Variants in VARS1 observed in about 807,000 individuals in gnomAD.
VARS1 encodes the protein valyl-tRNA synthetase 1, also known as valine--tRNA ligase.
In VARS1, 92 loss-of-function variants were observed where a neutral mutation model predicts 161.0. That is an observed-to-expected ratio of 0.57 (90% CI 0.48 to 0.68). The LOEUF is 0.68. VARS1 is among the 30% of genes least tolerant of loss of function. The pLI is 0.00. For synonymous variants in VARS1, 595 were observed against 682.5 expected, an observed-to-expected ratio of 0.87 and a Z score of 2.00; for missense variants, 1,338 against 1,695.9, an observed-to-expected ratio of 0.79 and a Z score of 3.71.
intron 13 of VARS1, 50 bp from the exon 14 acceptor site, chr6:31,783,236 G>A (rs774778785): frequency 6.3e-7 from 1 of 1,578,074 alleles, no homozygotes; most frequent in African/African-American, 1.3e-5. Context: ...CAGACGCCGT[G>A]ATTCCCACCT....
In VARS1 at chr6:31,782,879, G is replaced by A; in HGVS notation, c.1763-34C>T. The A allele has an allele frequency of 6.3e-7, 1 of 1,594,292 alleles. No homozygotes were observed. The highest frequency in any genetic ancestry group is 8.5e-7 in the Non-Finnish European group (1 of 1,170,356). ...ACATCAGGATGCCCAGGTCATGAGG[G>A]ACTCCACGGAGTTCCTTCCTACACT... On this transcript the variant is annotated intron_variant, in intron 14 of 29. Coordinates refer to ENST00000375663, the MANE Select transcript of VARS1 (RefSeq NM_006295.3). This position sits in a 1 kb window ranked among gnomAD's most constrained non-coding sequence, Gnocchi z 8.3.
chr6:31,780,801 G>T lies in VARS1; in HGVS notation c.2719-18C>A, dbSNP rs767911243. 2 of 1,614,178 alleles carry T rather than the reference G, an allele frequency of 1.2e-6. No individual in the cohort carries two copies. The highest frequency in any genetic ancestry group is 1.7e-6 in the Non-Finnish European group (2 of 1,180,010). ...TCAGCTTTCTACAGGGAAGAGGCAG[G>T]GGGAGGAGCGTCCTCAGCCAGCCCC... On this transcript the variant is annotated intron_variant, in intron 23 of 29. Transcript: ENST00000375663. This position sits in a 1 kb window ranked among gnomAD's most constrained non-coding sequence, Gnocchi z 5.1.
In VARS1 at chr6:31,779,862, G is replaced by C. The variant is rs1345674450; in HGVS notation, c.3082-48C>G. On this transcript the variant is annotated intron_variant, in intron 26 of 29. Transcript: ENST00000375663. The surrounding 1 kb of genome is among the most constrained non-coding windows in gnomAD (Gnocchi z 9.1). Reference sequence around the variant, plus strand: ...CTCACGGCTGGAGGTCTAGCCTTGAGCCCTCGCTGTGCCTGTGAGGACTGG... The same window carrying C: ...CTCACGGCTGGAGGTCTAGCCTTGACCCCTCGCTGTGCCTGTGAGGACTGG... The C allele has an allele frequency of 6.2e-7, 1 of 1,607,168 alleles. No homozygotes were observed. Among genetic ancestry groups the C allele is most frequent in the Non-Finnish European group, 8.5e-7 (1 of 1,176,568 alleles).
chr6:31,793,249 C>T (rs1814013953), intron 2 of VARS1, 129 bp from the exon 3 acceptor site: 1 of 1,245,588 alleles, frequency 8.0e-7, no homozygotes, highest in Non-Finnish European at 1.1e-6. Flanking sequence ...TTTCTTCACT[C>T]AAATAGTCAC....
chr6:31,783,039 C>T, intron 14 of VARS1, 57 bp downstream of exon 14: 1 of 1,589,724 alleles, frequency 6.3e-7, no homozygotes. Flanking sequence ...AGAAGATGGA[C>T]AGCTAGGGTG....
At position 31,779,211 on chromosome 6, in the gene VARS1, C is replaced by T. The variant is rs759379173; in HGVS notation, c.3482G>A (p.Gly1161Asp). The T allele has an allele frequency of 6.2e-7, 1 of 1,607,210 alleles. No individual in the cohort carries two copies. The highest frequency in any genetic ancestry group is 1.3e-5 in the African/African-American group (1 of 74,908). ...CCCCAGGGCCAGAACAGCCACCACA[C>T]CTGCGCTGGCCAGGGCCTGCACGTA... Reference protein sequence around the residue: ...SGYVQALASAGVVAVLALGAP... With the variant: ...SGYVQALASADVVAVLALGAP... The change falls in exon 29 of 30, where the codon GGT becomes GAT. Residue 1161 changes from glycine (G) to aspartate (D), a missense_variant. Transcript: ENST00000375663. This position sits in a 1 kb window ranked among gnomAD's most constrained non-coding sequence, Gnocchi z 9.1.
chr6:31,787,568 C>T (rs1813583379), intron 8 of VARS1, among the ~76,000 whole-genome samples: 1 of 151,886 alleles, frequency 6.6e-6, no homozygotes, highest in South Asian at 2.1e-4. Context: ...TCGCTTGAAC[C>T]CAAGTGGTTG....
rs1812902881 is a variant in VARS1 at position 31,778,739 on chromosome 6, T to C, written c.3726+228A>G. Reference sequence around the variant, plus strand: ...GTTGGCTGGTCTCAAACCCCTGGGCTCAAGTGATCCACCCACCTTGGCCTC... The same window carrying C: ...GTTGGCTGGTCTCAAACCCCTGGGCCCAAGTGATCCACCCACCTTGGCCTC... On this transcript the variant is annotated intron_variant, in intron 29 of 29. Transcript: ENST00000375663. The surrounding 1 kb of genome is among the most constrained non-coding windows in gnomAD (Gnocchi z 5.1). 1.2e-5 allele frequency: 7 copies of C among 586,884 alleles called. No homozygotes were observed. Among genetic ancestry groups the C allele is most frequent in the East Asian group, 6.0e-5 (2 of 33,190 alleles). The allele number at this position is 586,884 out of a possible 1,614,324, so 36.4% of individuals were successfully genotyped here. A position where few individuals can be genotyped will look rare whatever the true frequency, so the allele number is the denominator to read the frequency against.
In VARS1 at chr6:31,778,536, T is replaced by C. The variant is rs960514045; in HGVS notation, c.3726+431A>G. ...TGTTTTGTTTTTTTTCCAGACAGGGTCTTCTCTCTGTTGCCCAGGCTCAAG... is the reference window on the plus strand; with the variant it reads ...TGTTTTGTTTTTTTTCCAGACAGGGCCTTCTCTCTGTTGCCCAGGCTCAAG... On this transcript the variant is annotated intron_variant, in intron 29 of 29. Coordinates refer to ENST00000375663, the MANE Select transcript of VARS1 (RefSeq NM_006295.3). This position sits in a 1 kb window ranked among gnomAD's most constrained non-coding sequence, Gnocchi z 5.1. 3.3e-5 allele frequency among the ~76,000 whole-genome samples: 5 copies of C among 151,876 alleles called. No homozygotes were observed. The highest frequency in any genetic ancestry group is 1.2e-4 in the African/African-American group (5 of 41,296).
chr6:31,792,210 C>T lies in VARS1; in HGVS notation c.871+7G>A. ...CTGAGGGGTGAGCCCCTTCCCACTC[C>T]TAGTACCTTTCTTTTCCCCGGGTGG... On this transcript the variant is annotated splice_region_variant and intron_variant, in intron 6 of 29. Transcript: ENST00000375663. 1 of 1,613,514 alleles carries T rather than the reference C, an allele frequency of 6.2e-7. No homozygotes were observed. The highest frequency in any genetic ancestry group is 8.5e-7 in the Non-Finnish European group (1 of 1,179,962).
intron 8 of VARS1, among the ~76,000 whole-genome samples, chr6:31,786,165 CAGG>C (rs1813488349): frequency 6.6e-6 from 1 of 152,076 alleles, no homozygotes; most frequent in South Asian, 2.1e-4. Flanking sequence ...AAGGCTGAGG[CAGG>C]AGAATTGCTT....
At chr6:31,789,205 C>T (rs192546132) in intron 8 of VARS1, among the ~76,000 whole-genome samples, 4 of 150,754 alleles carry the variant, frequency 2.7e-5, no homozygotes, top group East Asian at 3.9e-4. Flanking sequence ...AAAACATTTA[C>T]AATATTTAAC....
chr6:31,794,725 C>T, intron 2 of VARS1, 106 bp downstream of exon 2: 2 of 1,421,522 alleles, frequency 1.4e-6, no homozygotes, highest in Non-Finnish European at 1.9e-6. Flanking sequence ...TTTGATCACT[C>T]TTTTCCCACA....
At position 31,784,390 on chromosome 6, in the gene VARS1, C is replaced by T; in HGVS notation, c.1576+4G>A. 1 of 1,614,190 alleles carries T rather than the reference C, an allele frequency of 6.2e-7. No homozygotes were observed. On this transcript the variant is annotated splice_donor_region_variant and intron_variant, in intron 12 of 29. Coordinates refer to ENST00000375663, the MANE Select transcript of VARS1 (RefSeq NM_006295.3). The surrounding 1 kb of genome is among the most constrained non-coding windows in gnomAD (Gnocchi z 6.1). ...CCCAGGATCCTGGTGCCCCTGGCTC[C>T]TACCTGAGCCTTGGACCTTATAGGC...
Position 31,779,044 on chromosome 6 carries a change from G to T in VARS1, c.3649C>A (p.Arg1217Ser). 1 of 1,612,510 alleles carries T rather than the reference G, an allele frequency of 6.2e-7. No individual in the cohort carries two copies. Among genetic ancestry groups the T allele is most frequent in the South Asian group, 1.1e-5 (1 of 91,070 alleles). ...GAGGCAGCACGGCGTTCCCGCAGAC[G>T]CTGGGCCTGCCGCTGGGCCTCAACT... ...KRVEAQRQAQ[R>S]LRERRAASGY... Residue 1217 changes from arginine (R) to serine (S), a missense_variant, in exon 29 of 30, where the codon CGT becomes AGT. Arg to Ser is a moderately radical substitution (Grantham distance 110, BLOSUM62 -1). Around this residue, in one of 3 missense-constraint regions of VARS1, gnomAD observed 433 missense variants for 586.2 expected, o/e 0.74. Coordinates refer to ENST00000375663, the MANE Select transcript of VARS1 (RefSeq NM_006295.3). The surrounding 1 kb of genome is among the most constrained non-coding windows in gnomAD (Gnocchi z 9.1).
chr6:31,792,123 C>A, intron 6 of VARS1, 94 bp downstream of exon 6: 1 of 1,532,474 alleles, frequency 6.5e-7, no homozygotes, highest in Admixed American at 1.8e-5. Flanking sequence ...TGCAATTCCT[C>A]ACCAAACAAA....
rs1279258059 is a variant in VARS1, at chr6:31,778,878, T to G, written c.3726+89A>C. ...CTGTAACTGGTTACGATCAATTAGT[T>G]GTCAACACCACTGCACTCGGACCAG... On this transcript the variant is annotated intron_variant, in intron 29 of 29. Coordinates refer to ENST00000375663, the MANE Select transcript of VARS1 (RefSeq NM_006295.3). The surrounding 1 kb of genome is among the most constrained non-coding windows in gnomAD (Gnocchi z 5.1). 2 of 1,521,302 alleles carry G rather than the reference T, an allele frequency of 1.3e-6. No homozygotes were observed. The highest frequency in any genetic ancestry group is 2.3e-5 in the East Asian group (1 of 44,258). 94.2% of individuals were successfully genotyped at this position (1,521,302 alleles called of 1,614,324 possible). A position where few individuals can be genotyped will look rare whatever the true frequency, so the allele number is the denominator to read the frequency against.
In VARS1 at chr6:31,792,279, C is replaced by A. The variant is rs772614209; in HGVS notation, c.809G>T (p.Arg270Met). 6.2e-7 allele frequency: 1 copy of A among 1,613,940 alleles called. No individual in the cohort carries two copies. The highest frequency in any genetic ancestry group is 1.1e-5 in the South Asian group (1 of 91,068). Residue 270 changes from arginine (R) to methionine (M), a missense_variant, in exon 6 of 30, where the codon AGG (arginine) becomes ATG (methionine). By Grantham distance (91) the Arg-to-Met change is moderately conservative. Coordinates refer to ENST00000375663, the MANE Select transcript of VARS1 (RefSeq NM_006295.3). The part of the protein sequence containing the change: ...PGEKKPKPEK[R>M]EKRDPGVITY... ...AATGACCCCAGGATCCCGTTTCTCCCTCTTCTCTGGTTTTGGTTTCTTCTG... is the reference window on the plus strand; with the variant it reads ...AATGACCCCAGGATCCCGTTTCTCCATCTTCTCTGGTTTTGGTTTCTTCTG...
At position 31,781,374 on chromosome 6, in the gene VARS1, C is replaced by A; in HGVS notation, c.2544+107G>T. 2 of 1,491,862 alleles carry A rather than the reference C, an allele frequency of 1.3e-6. No individual in the cohort carries two copies. The highest frequency in any genetic ancestry group is 1.8e-6 in the Non-Finnish European group (2 of 1,116,312). The allele number at this position is 1,491,862 out of a possible 1,614,324, so 92.4% of individuals were successfully genotyped here. A position where few individuals can be genotyped will look rare whatever the true frequency, so the allele number is the denominator to read the frequency against. ...CCCCACACCAGCCCCCGGGTCAGGC[C>A]TGCCCACAGCTAACCCCATGCCCCA... On this transcript the variant is annotated intron_variant, in intron 21 of 29. Transcript: ENST00000375663. The surrounding 1 kb of genome is among the most constrained non-coding windows in gnomAD (Gnocchi z 6.8).
Sources: allele counts gnomAD v4.1 joint callset (sites outside exome capture counted in the v4.1 genomes callset), GRCh38; gene constraint gnomAD v4.1.1; regional missense constraint gnomAD v4.1.1; non-coding constraint Gnocchi (gnomAD v3.1); transcripts MANE v1.5; gene names NCBI Gene and HGNC (gene_info 2026-07-23, HGNC 2026-07-21).